Variants in GTPBP10 observed in about 807,000 individuals in gnomAD.
The protein encoded by GTPBP10 is GTP-binding protein 10.
A neutral mutation model predicts 44.8 loss-of-function variants in GTPBP10; 38 were observed. The observed-to-expected ratio is 0.85, with a 90% confidence interval of 0.65 to 1.11. The LOEUF (loss-of-function observed/expected upper bound fraction) is 1.11. Ranked by LOEUF, GTPBP10 falls within the 50% of genes most tolerant of loss-of-function variation. GTPBP10 has a pLI of 0.00. For missense variants in GTPBP10, 462 were observed against 453.7 expected (o/e 1.02, Z -0.17); for synonymous variants, 152 against 150.6 (o/e 1.01, Z -0.07).
In GTPBP10 at chr7:90,383,088, A is replaced by G. The variant is rs112894057; in HGVS notation, c.901+9A>G. 1.7e-5 allele frequency: 26 copies of G among 1,524,566 alleles called. No homozygotes were observed. Among genetic ancestry groups the G allele is most frequent in the African/African-American group, 4.1e-5 (3 of 72,782 alleles). The allele number at this position is 1,524,566 out of a possible 1,614,324, so 94.4% of individuals were successfully genotyped here. ...GCTCCAGAATCCTAAAGGTAAACCTATTTATTCATTTAATTCTAATTTAAA... is the reference window on the plus strand; with the variant it reads ...GCTCCAGAATCCTAAAGGTAAACCTGTTTATTCATTTAATTCTAATTTAAA... On this transcript the variant is annotated intron_variant, in intron 9 of 9. Transcript: ENST00000222511.
At chr7:90,363,578 C>G (rs546476189) in intron 4 of GTPBP10, among the ~76,000 whole-genome samples, 1 of 152,188 alleles carries the variant, frequency 6.6e-6, no homozygotes, top group Admixed American at 6.5e-5. Flanking sequence ...TTTTTTCCTT[C>G]ATTTCAACTT....
Position 90,378,362 on chromosome 7 carries a change from C to T in GTPBP10, c.777+151C>T, listed in dbSNP as rs1157915047. ...TACTTAAACTTGTTGTCTCCATTTC[C>T]TCTACATTCATTTGCTCCTCAAACT... is the stretch of plus-strand genomic sequence containing the variant. On this transcript the variant is annotated intron_variant, in intron 8 of 9. Coordinates refer to ENST00000222511, the MANE Select transcript of GTPBP10 (RefSeq NM_033107.4). The T allele has an allele frequency of 3.8e-6, 4 of 1,053,578 alleles. 1 individual carries two copies. Among genetic ancestry groups the T allele is most frequent in the Non-Finnish European group, 2.6e-6 (2 of 778,282 alleles). 65.3% of individuals were successfully genotyped at this position (1,053,578 alleles called of 1,614,324 possible). A position where few individuals can be genotyped will look rare whatever the true frequency, so the allele number is the denominator to read the frequency against.
At chr7:90,353,049 A>T (rs2115611397) in intron 2 of GTPBP10, 40 bp downstream of exon 2, 1 of 1,371,384 alleles carries the variant, frequency 7.3e-7, no homozygotes. Flanking sequence ...AGAAAATCAA[A>T]CCCTTCTGGA....
rs1796591395 is a variant in GTPBP10, at chr7:90,390,096, T to C, written c.*4942T>C. On this transcript the variant is annotated 3_prime_UTR_variant, in exon 10 of 10. Transcript: ENST00000222511. Reference sequence around the variant, plus strand: ...ATGAGCCATTTATGCCCAGCCAGTTTTCTTTTTTCTAATTGAAGCTTGGCA... The same window carrying C: ...ATGAGCCATTTATGCCCAGCCAGTTCTCTTTTTTCTAATTGAAGCTTGGCA... 1 of 152,228 alleles carries C rather than the reference T, an allele frequency of 6.6e-6. No homozygotes were observed. Among genetic ancestry groups the C allele is most frequent in the African/African-American group, 2.4e-5 (1 of 41,440 alleles). The allele number at this position is 152,228 out of a possible 1,614,324, so 9.4% of individuals were successfully genotyped here.
At chr7:90,348,377 G>C (rs1211635348) in intron 1 of GTPBP10, among the ~76,000 whole-genome samples, 1 of 152,068 alleles carries the variant, frequency 6.6e-6, no homozygotes, top group African/African-American at 2.4e-5. Context: ...TAATCTGTTG[G>C]CTGGAAGCCT....
chr7:90,379,580 TATTTC>T (rs1240890587), intron 8 of GTPBP10, among the ~76,000 whole-genome samples: 1 of 152,214 alleles, frequency 6.6e-6, no homozygotes. Flanking sequence ...TTATAGATCC[TATTTC>T]ATTTGCCACT....
chr7:90,380,480 G>A (rs1796418403), intron 8 of GTPBP10, among the ~76,000 whole-genome samples: 1 of 151,932 alleles, frequency 6.6e-6, no homozygotes, highest in Admixed American at 6.6e-5. Flanking sequence ...ATTCTTTGTG[G>A]CACAAAACTA....
intron 4 of GTPBP10, among the ~76,000 whole-genome samples, chr7:90,365,397 A>T (rs1796113218): frequency 1.6e-5 from 1 of 61,276 alleles, no homozygotes; most frequent in Non-Finnish European, 2.9e-5. Context: ...TTTTTTTGAG[A>T]CGGAGTCTCG....
At chr7:90,363,567 A>T (rs1212403521) in intron 4 of GTPBP10, among the ~76,000 whole-genome samples, 1 of 151,946 alleles carries the variant, frequency 6.6e-6, no homozygotes, top group Non-Finnish European at 1.5e-5. Context: ...TGCCCTTAAC[A>T]TTTTTTCCTT....
intron 5 of GTPBP10, among the ~76,000 whole-genome samples, chr7:90,372,471 T>G (rs924293494): frequency 2.9e-5 from 4 of 136,406 alleles, no homozygotes; most frequent in East Asian, 4.5e-4. Flanking sequence ...TGTGCCACCA[T>G]GCTTGGCTAA....
chr7:90,383,152 T>C lies in GTPBP10; in HGVS notation c.901+73T>C, dbSNP rs560780710. 8.8e-6 allele frequency: 10 copies of C among 1,130,686 alleles called. 1 individual carries two copies. In the Admixed American group the frequency reaches 2.0e-4, roughly 23 times the overall value. The allele number at this position is 1,130,686 out of a possible 1,614,324, so 70.0% of individuals were successfully genotyped here. A position where few individuals can be genotyped will look rare whatever the true frequency, so the allele number is the denominator to read the frequency against. On this transcript the variant is annotated intron_variant, in intron 9 of 9. Coordinates refer to ENST00000222511, the MANE Select transcript of GTPBP10 (RefSeq NM_033107.4). ...GTACAGAGAATGCTGTTATAATCAGTGGAAAACTGACAGTTTCTGCTCTTA... is the reference window on the plus strand; with the variant it reads ...GTACAGAGAATGCTGTTATAATCAGCGGAAAACTGACAGTTTCTGCTCTTA...
intron 4 of GTPBP10, among the ~76,000 whole-genome samples, chr7:90,368,176 G>C (rs1049068646): frequency 6.6e-6 from 1 of 152,146 alleles, no homozygotes; most frequent in Non-Finnish European, 1.5e-5. Flanking sequence ...GCTTCCCTTT[G>C]TGGGTAACCG....
intron 4 of GTPBP10, among the ~76,000 whole-genome samples, chr7:90,363,302 C>T (rs1190491797): frequency 6.6e-6 from 1 of 152,110 alleles, no homozygotes. Context: ...TTAGTGCTTC[C>T]TTCAGGAGCT....
intron 4 of GTPBP10, among the ~76,000 whole-genome samples, chr7:90,357,717 G>A (rs1355048544): frequency 6.6e-6 from 1 of 152,068 alleles, no homozygotes; most frequent in Non-Finnish European, 1.5e-5. Flanking sequence ...ATATTTGTTG[G>A]ATAAATTTAA....
chr7:90,385,066 T>TG lies in GTPBP10; in HGVS notation c.1077dup (p.Leu360AlafsTer2). 2 of 1,613,858 alleles carry TG rather than the reference T, an allele frequency of 1.2e-6. No individual in the cohort carries two copies. The highest frequency in any genetic ancestry group is 1.1e-5 in the South Asian group (1 of 91,078). On this transcript the variant is annotated frameshift_variant, in exon 10 of 10. Transcript: ENST00000222511. LOFTEE classifies it high-confidence loss of function. ...AATGATGCACTTCATAAGAAACAGT[T>TG]GCTTAATTTGTGGATTTCTGATACA...
chr7:90,384,420 A>G (rs1486215645), intron 9 of GTPBP10, among the ~76,000 whole-genome samples: 4 of 152,094 alleles, frequency 2.6e-5, no homozygotes, highest in African/African-American at 7.2e-5. Context: ...ATTCTCTATA[A>G]TCCCTCTTCA....
intron 8 of GTPBP10, among the ~76,000 whole-genome samples, chr7:90,379,646 G>A (rs796129742): frequency 1.4e-4 from 21 of 152,240 alleles, no homozygotes; most frequent in African/African-American, 5.1e-4. Flanking sequence ...GCAGGTTTTT[G>A]TATAGACATG....
rs1169810782 is a variant in GTPBP10 at position 90,386,044 on chromosome 7, G to A, written c.*890G>A. ...CCACTGCACTTCAGCCTGGGTGACA[G>A]AGCTAGACTCCATCTCAAAAAAAAA... On this transcript the variant is annotated 3_prime_UTR_variant, in exon 10 of 10. Transcript: ENST00000222511. 2 of 151,222 alleles carry A rather than the reference G, an allele frequency of 1.3e-5. No homozygotes were observed. Among genetic ancestry groups the A allele is most frequent in the Non-Finnish European group, 2.9e-5 (2 of 67,892 alleles). The allele number at this position is 151,222 out of a possible 1,614,324, so 9.4% of individuals were successfully genotyped here.
intron 4 of GTPBP10, among the ~76,000 whole-genome samples, chr7:90,358,950 A>G (rs1795958069): frequency 6.6e-6 from 1 of 152,200 alleles, no homozygotes; most frequent in South Asian, 2.1e-4. Flanking sequence ...ACATTTCTCA[A>G]AAGAAGATAT....
Sources: allele counts gnomAD v4.1 joint callset (sites outside exome capture counted in the v4.1 genomes callset), GRCh38; gene constraint gnomAD v4.1.1; transcripts MANE v1.5; gene names NCBI Gene and HGNC (gene_info 2026-07-23, HGNC 2026-07-21).